VEZT: variants seen among roughly 807,000 people sequenced by gnomAD.
The protein encoded by VEZT is vezatin.
In VEZT, 39 loss-of-function variants were observed where a neutral mutation model predicts 79.9. That is an observed-to-expected ratio of 0.49 (90% confidence interval 0.38 to 0.64). VEZT has a LOEUF of 0.64. VEZT is among the 30% of genes least tolerant of loss of function. The pLI is 0.00. For synonymous variants in VEZT, 325 were observed against 327.6 expected (o/e 0.99, Z 0.09); for missense variants, 837 against 893.1 (o/e 0.94, Z 0.80).
chr12:95,235,722 C>T (rs1183527163), intron 1 of VEZT, among the ~76,000 whole-genome samples: 3 of 150,970 alleles, frequency 2.0e-5, no homozygotes, highest in African/African-American at 7.3e-5. Flanking sequence ...GGGGCTGACC[C>T]CCACCTCCCT....
intron 7 of VEZT, among the ~76,000 whole-genome samples, chr12:95,279,545 T>C (rs1364577382): frequency 6.6e-6 from 1 of 152,146 alleles, no homozygotes; most frequent in Non-Finnish European, 1.5e-5. Context: ...AAAAAAGAAA[T>C]ACATATTTCT....
Position 95,296,267 on chromosome 12 carries a change from T to G in VEZT, c.1831+9T>G, listed in dbSNP as rs1420744749. The G allele has an allele frequency of 6.4e-7, 1 of 1,566,332 alleles. No homozygotes were observed. The highest frequency in any genetic ancestry group is 2.3e-5 in the East Asian group (1 of 43,160). On this transcript the variant is annotated intron_variant, in intron 11 of 11. Coordinates refer to ENST00000436874, the MANE Select transcript of VEZT (RefSeq NM_017599.4). Reference sequence around the variant, plus strand: ...TCTATTTAGTGATCATGGTAAGCACTGACTTTAAAGTAACAGGTTATTTCA... The same window carrying G: ...TCTATTTAGTGATCATGGTAAGCACGGACTTTAAAGTAACAGGTTATTTCA...
intron 10 of VEZT, among the ~76,000 whole-genome samples, chr12:95,294,580 CAT>C (rs2139805848): frequency 6.6e-6 from 1 of 152,256 alleles, no homozygotes; most frequent in African/African-American, 2.4e-5. Context: ...TGATTAAACA[CAT>C]TGAAAATTAG....
intron 9 of VEZT, among the ~76,000 whole-genome samples, chr12:95,289,006 G>C (rs2071766200): frequency 6.6e-6 from 1 of 151,434 alleles, no homozygotes; most frequent in Non-Finnish European, 1.5e-5. Context: ...TTAAGCCCAA[G>C]AGTTTGAGGC....
intron 1 of VEZT, among the ~76,000 whole-genome samples, chr12:95,223,880 A>T (rs930370341): frequency 6.6e-6 from 1 of 151,968 alleles, no homozygotes; most frequent in Non-Finnish European, 1.5e-5. Flanking sequence ...TTATTTTGCT[A>T]TTTTTGTTCT....
chr12:95,257,272 G>T (rs368196100), intron 3 of VEZT, 33 bp downstream of exon 3: 20 of 1,475,550 alleles, frequency 1.4e-5, no homozygotes, highest in Non-Finnish European at 1.8e-5. Flanking sequence ...CACTTTTCAG[G>T]GTTCTAGGTT....
At chr12:95,229,968 T>C (rs899171671) in intron 1 of VEZT, among the ~76,000 whole-genome samples, 1 of 152,062 alleles carries the variant, frequency 6.6e-6, no homozygotes, top group South Asian at 2.1e-4. Flanking sequence ...ATGCAAAAAT[T>C]ACAGCTGGTG....
At chr12:95,267,382 A>G (rs1338098930) in intron 5 of VEZT, among the ~76,000 whole-genome samples, 1 of 152,228 alleles carries the variant, frequency 6.6e-6, no homozygotes, top group African/African-American at 2.4e-5. Context: ...CTAACAGATG[A>G]CAGTTGTGTG....
intron 1 of VEZT, among the ~76,000 whole-genome samples, chr12:95,220,048 T>C (rs1247296802): frequency 6.6e-6 from 1 of 152,244 alleles, no homozygotes; most frequent in Non-Finnish European, 1.5e-5. Context: ...CTCTTTGATA[T>C]ACACAATTTT....
chr12:95,251,689 C>T (rs1316523698), intron 1 of VEZT, among the ~76,000 whole-genome samples: 1 of 151,808 alleles, frequency 6.6e-6, no homozygotes, highest in Non-Finnish European at 1.5e-5. Flanking sequence ...CTTGCTGGTA[C>T]TCACTCAAAA....
intron 4 of VEZT, among the ~76,000 whole-genome samples, chr12:95,264,869 CT>C (rs71078693): frequency 0.043 from 4,857 of 113,158 alleles, 56 homozygotes; most frequent in African/African-American, 0.087. Flanking sequence ...CTTTTCTTTT[CT>C]TTTTTTTTTT....
intron 1 of VEZT, among the ~76,000 whole-genome samples, chr12:95,250,447 C>T (rs905359633): frequency 6.6e-6 from 1 of 151,476 alleles, no homozygotes; most frequent in Non-Finnish European, 1.5e-5. Context: ...AGATTACAGG[C>T]ACCTGCCATC....
intron 8 of VEZT, among the ~76,000 whole-genome samples, chr12:95,285,261 G>A (rs1452135523): frequency 1.3e-5 from 2 of 151,348 alleles, no homozygotes; most frequent in African/African-American, 4.9e-5. Flanking sequence ...TAAGCAACAT[G>A]GGAAACCCTT....
intron 8 of VEZT, among the ~76,000 whole-genome samples, chr12:95,283,684 C>T (rs1256355027): frequency 1.3e-5 from 2 of 152,110 alleles, no homozygotes; most frequent in Non-Finnish European, 2.9e-5. Context: ...AAGTTTTTAC[C>T]CATCAGTTCA....
chr12:95,278,338 C>A (rs1005653025), intron 7 of VEZT, among the ~76,000 whole-genome samples: 4 of 152,160 alleles, frequency 2.6e-5, no homozygotes, highest in African/African-American at 9.7e-5. Context: ...TTTTACAAAT[C>A]AAACTATAAT....
In VEZT at chr12:95,300,248, G is replaced by A. The variant is rs1269034026; in HGVS notation, c.1915G>A (p.Val639Ile). ...EPSMNSDMGK[V>I]SKNDTEEESN... is the part of the protein sequence containing the mutation. ...ATCAATGAATTCAGATATGGGAAAA[G>A]TCAGTAAAAATGATACTGAAGAGGA... The change falls in exon 12 of 12, where the codon GTC becomes ATC. Residue 639 changes from valine to isoleucine, a missense_variant. By Grantham distance (29) the Val-to-Ile change is conservative. Coordinates refer to ENST00000436874, the MANE Select transcript of VEZT (RefSeq NM_017599.4). 10 of 1,576,580 alleles carry A rather than the reference G, an allele frequency of 6.3e-6. No homozygotes were observed. In the African/African-American group the frequency reaches 1.4e-4, roughly 21 times the overall value.
At chr12:95,276,311 G>T (rs1437872352) in intron 7 of VEZT, among the ~76,000 whole-genome samples, 5 of 127,622 alleles carry the variant, frequency 3.9e-5, no homozygotes, top group Admixed American at 9.2e-5. Context: ...TGTTGCCCAG[G>T]CTGGAGTACA....
intron 7 of VEZT, among the ~76,000 whole-genome samples, chr12:95,281,652 T>C (rs1228682434): frequency 6.6e-6 from 1 of 151,912 alleles, no homozygotes; most frequent in Non-Finnish European, 1.5e-5. Context: ...TTCAAATGAT[T>C]TTCCTGCCTC....
At chr12:95,245,591 T>C (rs1234361951) in intron 1 of VEZT, 1 of 456,690 alleles carries the variant, frequency 2.2e-6, no homozygotes, top group South Asian at 1.5e-5. Flanking sequence ...AATTCTGCCA[T>C]CTTTGGCCCA....
Sources: gnomAD v4.1 joint callset for allele counts (sites outside exome capture counted in the v4.1 genomes callset) on GRCh38, gnomAD v4.1.1 for gene constraint, MANE v1.5 for transcripts, NCBI Gene and HGNC (gene_info 2026-07-23, HGNC 2026-07-21) for gene names.